Variants in ADH5 observed in about 807,000 individuals in gnomAD.
ADH5 encodes the protein alcohol dehydrogenase class-3.
A neutral mutation model predicts 40.3 loss-of-function variants in ADH5; 32 were observed. That is an observed-to-expected ratio of 0.79 (90% CI 0.60 to 1.07). The LOEUF (loss-of-function observed/expected upper bound fraction) is 1.07, where lower values mean the gene tolerates loss of function less well. ADH5 is among the 50% of genes least tolerant of loss of function. The pLI is 0.00. For synonymous variants in ADH5, 125 were observed against 154.3 expected (o/e 0.81, Z 1.41); for missense variants, 353 against 460.5 (o/e 0.77, Z 2.14).
At chr4:99,077,240 G>A (rs1727947062) in intron 4 of ADH5, among the ~76,000 whole-genome samples, 1 of 152,116 alleles carries the variant, frequency 6.6e-6, no homozygotes, top group Non-Finnish European at 1.5e-5. Context: ...TTAAAACGGT[G>A]GGCCAGGTGC....
intron 7 of ADH5, among the ~76,000 whole-genome samples, chr4:99,074,201 GAAATAT>G (rs1727881524): frequency 6.6e-6 from 1 of 152,082 alleles, no homozygotes; most frequent in African/African-American, 2.4e-5. Flanking sequence ...GGAGGAGGAT[GAAATAT>G]AAATATATAT....
In ADH5 at chr4:99,074,942, A is replaced by T; in HGVS notation, c.933T>A (p.Gly311=). 1 of 1,612,668 alleles carries T rather than the reference A, an allele frequency of 6.2e-7. No homozygotes were observed. The highest frequency in any genetic ancestry group is 8.5e-7 in the Non-Finnish European group (1 of 1,179,134). Residue 311 remains glycine (G), a synonymous_variant, in exon 7 of 9, where the codon GGT becomes GGA. Coordinates refer to ENST00000296412, the MANE Select transcript of ADH5 (RefSeq NM_000671.4). ...IATRPFQLVT[G]RTWKGTAFGG... ...CAAAGGCAGTGCCTTTCCATGTGCG[A>T]CCTGTTACCAGCTGGAATGGACGAG...
rs1438405241 is a variant in ADH5 at position 99,075,040 on chromosome 4, G to A, written c.835C>T (p.Leu279Phe). ...CCCCAGCCCTTGTGACATGCCTCAAGTGCTGCTCTCTGCAGGCACAGAGAT... is the reference window on the plus strand; with the variant it reads ...CCCCAGCCCTTGTGACATGCCTCAAATGCTGCTCTCTGCAGGCACAGAGAT... The part of the protein sequence containing the change: ...IGNVKVMRAA[L>F]EACHKGWGVS... The change falls in exon 7 of 9, where the codon CTT (leucine) becomes TTT (phenylalanine). Residue 279 changes from leucine to phenylalanine, a missense_variant. Coordinates refer to ENST00000296412, the MANE Select transcript of ADH5 (RefSeq NM_000671.4). The A allele has an allele frequency of 1.2e-6, 2 of 1,609,530 alleles. No homozygotes were observed. Among genetic ancestry groups the A allele is most frequent in the Non-Finnish European group, 1.7e-6 (2 of 1,177,272 alleles).
At position 99,072,521 on chromosome 4, in the gene ADH5, CT is replaced by C; in HGVS notation, c.1100+51del. ...ATTGTGTTTTTCGACTCTCCATCCC[CT>C]CAAACTCAACATCATTATTACATTC... On this transcript the variant is annotated intron_variant, in intron 8 of 8. Coordinates refer to ENST00000296412, the MANE Select transcript of ADH5 (RefSeq NM_000671.4). 3.1e-6 allele frequency: 5 copies of C among 1,608,922 alleles called. No homozygotes were observed. In the East Asian group the frequency reaches 1.1e-4, roughly 36 times the overall value.
intron 2 of ADH5, among the ~76,000 whole-genome samples, chr4:99,084,888 TG>T (rs1173965277): frequency 6.6e-6 from 1 of 152,184 alleles, no homozygotes; most frequent in Non-Finnish European, 1.5e-5. Context: ...CAGTGACCCA[TG>T]GGGATAGCTG....
Position 99,083,873 on chromosome 4 carries a change from A to C in ADH5, c.114+1242T>G, listed in dbSNP as rs1460245201. 3.3e-5 allele frequency among the ~76,000 whole-genome samples: 5 copies of C among 152,162 alleles called. No individual in the cohort carries two copies. In the East Asian group the frequency reaches 7.7e-4, roughly 23 times the overall value. On this transcript the variant is annotated intron_variant, in intron 2 of 8. Transcript: ENST00000296412. Reference sequence around the variant, plus strand: ...AACACATGAAGTTTTCTACATGCCAAGGTTTCAAAGATCTCTCCAGCTGGC... The same window carrying C: ...AACACATGAAGTTTTCTACATGCCACGGTTTCAAAGATCTCTCCAGCTGGC...
intron 2 of ADH5, among the ~76,000 whole-genome samples, chr4:99,084,397 T>A (rs937176595): frequency 4.6e-5 from 7 of 152,154 alleles, no homozygotes; most frequent in African/African-American, 7.2e-5. Flanking sequence ...CATAGTGCAT[T>A]TGTACACCAA....
chr4:99,085,401 T>C (rs769079263), intron 1 of ADH5, 185 bp from the exon 2 acceptor site: 10 of 426,370 alleles, frequency 2.3e-5, no homozygotes, highest in East Asian at 2.1e-4. Flanking sequence ...AATGATTTAA[T>C]TGAGATGATT....
At chr4:99,085,534 G>A in intron 1 of ADH5, 1 of 304,756 alleles carries the variant, frequency 3.3e-6, no homozygotes, top group Non-Finnish European at 6.5e-6. Flanking sequence ...ATCTGATTCA[G>A]CAGGTCTGGC....
At chr4:99,081,342 G>C in intron 4 of ADH5, 23 bp downstream of exon 4, 1 of 1,454,144 alleles carries the variant, frequency 6.9e-7, no homozygotes. Context: ...TGTGTTTTAA[G>C]AAGAACATAA....
chr4:99,072,361 T>C lies in ADH5; in HGVS notation c.*56A>G, dbSNP rs1276642400. On this transcript the variant is annotated 3_prime_UTR_variant, in exon 9 of 9. Transcript: ENST00000296412. ...GAGGTTGGAGGCGCTTCTCCCTGCC[T>C]GTTAAGCTGCTCCTATCACATCACG... 6.3e-7 allele frequency: 1 copy of C among 1,579,324 alleles called. No individual in the cohort carries two copies. The highest frequency in any genetic ancestry group is 1.3e-5 in the African/African-American group (1 of 74,092).
chr4:99,076,514 T>C lies in ADH5; in HGVS notation c.603A>G (p.Gly201=), dbSNP rs1419651360. The C allele has an allele frequency of 1.2e-6, 2 of 1,613,920 alleles. No homozygotes were observed. The highest frequency in any genetic ancestry group is 1.7e-6 in the Non-Finnish European group (2 of 1,179,944). The change falls in exon 6 of 9, where the codon GGA becomes GGG. Residue 201 remains glycine, a synonymous_variant. Transcript: ENST00000296412. ...CCATGATAACTGCCAATCCGACTCC[T>C]CCCAGACCAAAGACGGCACAAACAG... ...PGSVCAVFGL[G]GVGLAVIMGC... is the part of the protein sequence containing the mutation.
intron 4 of ADH5, chr4:99,079,994 G>T (rs1483774523): frequency 2.2e-6 from 1 of 455,320 alleles, no homozygotes; most frequent in South Asian, 1.6e-5. Flanking sequence ...TCTTTTATCT[G>T]TAAGAAAAGT....
chr4:99,077,990 G>T (rs1727959978), intron 4 of ADH5, among the ~76,000 whole-genome samples: 1 of 152,188 alleles, frequency 6.6e-6, no homozygotes, highest in Non-Finnish European at 1.5e-5. Flanking sequence ...AAAGTCTAAT[G>T]AGATGTTATA....
At chr4:99,083,794 C>T (rs1728074818) in intron 2 of ADH5, among the ~76,000 whole-genome samples, 1 of 152,022 alleles carries the variant, frequency 6.6e-6, no homozygotes, top group African/African-American at 2.4e-5. Context: ...TTAATGATCA[C>T]TACTCTAAAG....
chr4:99,085,254 C>T, intron 1 of ADH5, 38 bp from the exon 2 acceptor site: 1 of 1,110,492 alleles, frequency 9.0e-7, no homozygotes, highest in Non-Finnish European at 1.2e-6. Flanking sequence ...TGTTTATCCT[C>T]CTAAACAAGT....
intron 1 of ADH5, among the ~76,000 whole-genome samples, chr4:99,085,847 C>G (rs1728124918): frequency 6.6e-6 from 1 of 152,100 alleles, no homozygotes; most frequent in Non-Finnish European, 1.5e-5. Context: ...ACCAACCTGG[C>G]CAGCATGGTG....
chr4:99,084,412 C>T (rs1402630130), intron 2 of ADH5, among the ~76,000 whole-genome samples: 2 of 152,182 alleles, frequency 1.3e-5, no homozygotes, highest in Non-Finnish European at 2.9e-5. Flanking sequence ...CACCAAAAGG[C>T]AGTCTCACCA....
intron 7 of ADH5, among the ~76,000 whole-genome samples, chr4:99,074,464 G>A (rs1192571069): frequency 6.6e-6 from 1 of 152,136 alleles, no homozygotes; most frequent in South Asian, 2.1e-4. Context: ...CTCAATATTG[G>A]TTACTGCTAA....
Sources: gnomAD v4.1 joint callset for allele counts (sites outside exome capture counted in the v4.1 genomes callset) on GRCh38, gnomAD v4.1.1 for gene constraint, MANE v1.5 for transcripts, NCBI Gene and HGNC (gene_info 2026-07-23, HGNC 2026-07-21) for gene names.